Variants in CARMIL3 observed in about 807,000 individuals in gnomAD.
The protein encoded by CARMIL3 is capping protein, Arp2/3 and myosin-I linker protein 3.
Under a neutral mutation model 180.8 loss-of-function variants are expected in CARMIL3, and 88 were observed. The ratio of observed to expected loss-of-function variants is 0.49; its 90% CI spans 0.41 to 0.58. The LOEUF (loss-of-function observed/expected upper bound fraction) is 0.58, where lower values mean the gene tolerates loss of function less well. CARMIL3 is among the 20% of genes least tolerant of loss of function. The pLI is 0.00. For missense variants in CARMIL3, 1,548 were observed against 1,787.0 expected (o/e 0.87, Z 2.41); for synonymous variants, 696 against 714.5 (o/e 0.97, Z 0.41).
In CARMIL3 at chr14:24,053,698, C is replaced by T. The variant is rs369556969; in HGVS notation, c.41-11C>T. ...AGGTGAAGCTCTGAGCAGGCTCCCA[C>T]CCCCCCTCAGACAGCATCCGGAGGT... On this transcript the variant is annotated splice_polypyrimidine_tract_variant and intron_variant, in intron 1 of 39. Transcript: ENST00000342740. 4 of 1,590,720 alleles carry T rather than the reference C, an allele frequency of 2.5e-6. No individual in the cohort carries two copies. Among genetic ancestry groups the T allele is most frequent in the East Asian group, 2.2e-5 (1 of 44,716 alleles).
At chr14:24,055,916 C>A in intron 10 of CARMIL3, 127 bp downstream of exon 10, 3 of 922,674 alleles carry the variant, frequency 3.3e-6, no homozygotes, top group Non-Finnish European at 5.1e-6. Flanking sequence ...AAGAGGAGAC[C>A]AAGGCCAAAA....
intron 9 of CARMIL3, 37 bp from the exon 10 acceptor site, chr14:24,055,664 C>G: frequency 1.2e-6 from 2 of 1,613,774 alleles, no homozygotes; most frequent in Non-Finnish European, 1.7e-6. Flanking sequence ...TAGTGCCCCC[C>G]TTGGCCCCTG....
chr14:24,063,317 C>A lies in CARMIL3; in HGVS notation c.2771-8C>A. On this transcript the variant is annotated splice_region_variant and splice_polypyrimidine_tract_variant and intron_variant, in intron 30 of 39. Coordinates refer to ENST00000342740, the MANE Select transcript of CARMIL3 (RefSeq NM_138360.4). ...CTGCTAGTCCCTCTAATGCTGCTGT[C>A]TTTGCAGGCGGGAGCCCTCAGGACA... 2.5e-6 allele frequency: 4 copies of A among 1,594,222 alleles called. No individual in the cohort carries two copies. The highest frequency in any genetic ancestry group is 3.4e-6 in the Non-Finnish European group (4 of 1,166,374).
rs2138726176 is a variant in CARMIL3, at chr14:24,057,960, G to A, written c.1218G>A (p.Arg406=). 6.2e-7 allele frequency: 1 copy of A among 1,613,376 alleles called. No individual in the cohort carries two copies. Among genetic ancestry groups the A allele is most frequent in the Non-Finnish European group, 8.5e-7 (1 of 1,179,974 alleles). The change falls in exon 16 of 40, where the codon AGG becomes AGA. Residue 406 remains arginine, a splice_region_variant and synonymous_variant. Transcript: ENST00000342740. ...LNLARNSCSH[R]KGREAPPAFK... The stretch of plus-strand genomic sequence containing the variant: ...GCTGACCCCAGGGGTCTCTCCACAG[G>A]AAGGGTCGAGAGGCCCCGCCGGCCT...
In CARMIL3 at chr14:24,068,985, G is replaced by C; in HGVS notation, c.3982+19G>C. On this transcript the variant is annotated intron_variant, in intron 38 of 39. Coordinates refer to ENST00000342740, the MANE Select transcript of CARMIL3 (RefSeq NM_138360.4). ...GTCCAAGGTCTGCCACCCTGGCTGA[G>C]TGGGGGGCTCAGGGCACCTCTAGGA... 1 of 1,543,380 alleles carries C rather than the reference G, an allele frequency of 6.5e-7. No individual in the cohort carries two copies.
chr14:24,067,413 T>C (rs2035798140), intron 36 of CARMIL3, among the ~76,000 whole-genome samples: 1 of 152,244 alleles, frequency 6.6e-6, no homozygotes, highest in South Asian at 2.1e-4. Flanking sequence ...TCTCTGTAGA[T>C]GGAGACACCC....
In CARMIL3 at chr14:24,065,114, C is replaced by CCCGG; in HGVS notation, c.3239_3240insGGCC (p.Pro1081AlafsTer15). On this transcript the variant is annotated frameshift_variant, in exon 33 of 40. Transcript: ENST00000342740. LOFTEE classifies it high-confidence loss of function. ...GGTCCCCTACCACTGGACTCCTCCT[C>CCCGG]CCTCCACCCCCACCCCCTCCCCCGA... The CCCGG allele has an allele frequency of 5.2e-6, 6 of 1,160,950 alleles. No homozygotes were observed. Among genetic ancestry groups the CCCGG allele is most frequent in the Non-Finnish European group, 7.1e-6 (6 of 844,156 alleles). The allele number at this position is 1,160,950 out of a possible 1,614,324, so 71.9% of individuals were successfully genotyped here. A position where few individuals can be genotyped will look rare whatever the true frequency, so the allele number is the denominator to read the frequency against.
chr14:24,067,422 C>T (rs1015674336), intron 36 of CARMIL3, among the ~76,000 whole-genome samples: 2 of 152,236 alleles, frequency 1.3e-5, no homozygotes, highest in African/African-American at 4.8e-5. Flanking sequence ...ATGGAGACAC[C>T]CCCTCAGCCT....
chr14:24,054,840 G>T lies in CARMIL3; in HGVS notation c.460+32G>T, dbSNP rs761524578. The T allele has an allele frequency of 2.5e-6, 4 of 1,591,636 alleles. No individual in the cohort carries two copies. The highest frequency in any genetic ancestry group is 1.1e-5 in the South Asian group (1 of 90,208). On this transcript the variant is annotated intron_variant, in intron 6 of 39. Coordinates refer to ENST00000342740, the MANE Select transcript of CARMIL3 (RefSeq NM_138360.4). The surrounding 1 kb of genome is among the most constrained non-coding windows in gnomAD (Gnocchi z 5.1). ...AGGGGCAGATGTGAGGAAAGTAGGC[G>T]CTCCACCATCTTGCCCCATGATCAG...
In CARMIL3 at chr14:24,063,479, A is replaced by T. The variant is rs760268568; in HGVS notation, c.2925A>T (p.Thr975=). 2.4e-5 allele frequency: 39 copies of T among 1,613,556 alleles called. No homozygotes were observed. In the South Asian group the frequency reaches 3.4e-4, roughly 14 times the overall value. The stretch of plus-strand genomic sequence containing the variant: ...ATGGTTACAAACTAAGGCATCAAAC[A>T]CAAGGGAGGCCCCGCCCCCCCAGGA... ...PTHGYKLRHQ[T]QGRPRPPRTT... The change falls in exon 31 of 40, where the codon ACA becomes ACT. Residue 975 remains threonine (T), a synonymous_variant. Transcript: ENST00000342740.
Position 24,054,842 on chromosome 14 carries a change from T to G in CARMIL3, c.460+34T>G. On this transcript the variant is annotated intron_variant, in intron 6 of 39. Coordinates refer to ENST00000342740, the MANE Select transcript of CARMIL3 (RefSeq NM_138360.4). This position sits in a 1 kb window ranked among gnomAD's most constrained non-coding sequence, Gnocchi z 5.1. ...GGGCAGATGTGAGGAAAGTAGGCGC[T>G]CCACCATCTTGCCCCATGATCAGAG... 1 of 1,589,954 alleles carries G rather than the reference T, an allele frequency of 6.3e-7. No individual in the cohort carries two copies. The highest frequency in any genetic ancestry group is 1.1e-5 in the South Asian group (1 of 90,110).
rs373420572 is a variant in CARMIL3 at position 24,062,587 on chromosome 14, C to T, written c.2568+20C>T. 4 of 1,613,926 alleles carry T rather than the reference C, an allele frequency of 2.5e-6. No homozygotes were observed. Among genetic ancestry groups the T allele is most frequent in the Non-Finnish European group, 3.4e-6 (4 of 1,179,868 alleles). ...AGCCTGGTAAGGCTTCTTCTGCAGC[C>T]TGGCCTGGCTCGGGCACGCCCTCCA... On this transcript the variant is annotated intron_variant, in intron 28 of 39. Transcript: ENST00000342740.
Position 24,054,085 on chromosome 14 carries a change from T to C in CARMIL3, c.136-3T>C. On this transcript the variant is annotated splice_region_variant and splice_polypyrimidine_tract_variant and intron_variant, in intron 2 of 39. Transcript: ENST00000342740. This position sits in a 1 kb window ranked among gnomAD's most constrained non-coding sequence, Gnocchi z 5.1. ...AGCTGCCGATTTTTTCCTCTCTCTGTAGGCCCTGACCTCCTGGCGCCTCCA... is the reference window on the plus strand; with the variant it reads ...AGCTGCCGATTTTTTCCTCTCTCTGCAGGCCCTGACCTCCTGGCGCCTCCA... The C allele has an allele frequency of 6.2e-7, 1 of 1,613,564 alleles. No individual in the cohort carries two copies. Among genetic ancestry groups the C allele is most frequent in the Non-Finnish European group, 8.5e-7 (1 of 1,179,984 alleles).
intron 34 of CARMIL3, 121 bp downstream of exon 34, chr14:24,065,871 A>C: frequency 7.1e-7 from 1 of 1,399,978 alleles, no homozygotes; most frequent in Non-Finnish European, 9.7e-7. Context: ...GCATTAGAAG[A>C]TGTTAGCTGC....
Position 24,061,952 on chromosome 14 carries a change from C to T in CARMIL3, c.2480+280C>T, listed in dbSNP as rs1018640999. ...CAGGAATGGGATAGCAGGGCCTCCT[C>T]GGAGGCATGGACAAAGAAAAGTACC... is the stretch of plus-strand genomic sequence containing the variant. On this transcript the variant is annotated intron_variant, in intron 27 of 39. Coordinates refer to ENST00000342740, the MANE Select transcript of CARMIL3 (RefSeq NM_138360.4). The surrounding 1 kb of genome is among the most constrained non-coding windows in gnomAD (Gnocchi z 4.1). The T allele has an allele frequency of 3.5e-5, 14 of 403,206 alleles. No individual in the cohort carries two copies. The highest frequency in any genetic ancestry group is 1.6e-4 in the African/African-American group (8 of 49,214). The allele number at this position is 403,206 out of a possible 1,614,324, so 25.0% of individuals were successfully genotyped here.
At position 24,053,728 on chromosome 14, in the gene CARMIL3, G is replaced by A. The variant is rs1356447577; in HGVS notation, c.60G>A (p.Leu20=). ...RELQDSIRRC[L]SQGAVLQQHH... ...CCTCAGACAGCATCCGGAGGTGCCT[G>A]AGCCAAGGGGCCGTGCTCCAACAAC... Residue 20 remains leucine, a synonymous_variant, in exon 2 of 40, where the codon CTG becomes CTA. Coordinates refer to ENST00000342740, the MANE Select transcript of CARMIL3 (RefSeq NM_138360.4). The A allele has an allele frequency of 6.2e-7, 1 of 1,612,876 alleles. No individual in the cohort carries two copies. Among genetic ancestry groups the A allele is most frequent in the Non-Finnish European group, 8.5e-7 (1 of 1,179,282 alleles).
At chr14:24,053,227 C>G (rs1436058552) in intron 1 of CARMIL3, among the ~76,000 whole-genome samples, 1 of 152,132 alleles carries the variant, frequency 6.6e-6, no homozygotes, top group African/African-American at 2.4e-5. Flanking sequence ...CCCACCAATG[C>G]CACACTCAGG....
Position 24,060,031 on chromosome 14 carries a change from G to A in CARMIL3, c.1930G>A (p.Ala644Thr), listed in dbSNP as rs142826860. 22 of 1,613,970 alleles carry A rather than the reference G, an allele frequency of 1.4e-5. No individual in the cohort carries two copies. The highest frequency in any genetic ancestry group is 1.2e-4 in the South Asian group (11 of 91,092). Residue 644 changes from alanine (A) to threonine (T), a missense_variant, in exon 23 of 40, where the codon GCG becomes ACG. Ala to Thr is a moderately conservative substitution (Grantham distance 58, BLOSUM62 0). Around this residue, in one of 4 missense-constraint regions of CARMIL3, gnomAD observed 297 missense variants for 415.9 expected, o/e 0.71. Coordinates refer to ENST00000342740, the MANE Select transcript of CARMIL3 (RefSeq NM_138360.4). ...CGACATCTCCCAAGCCTATCGCAGCGCGCCTGAGCGCACCGAGGACGTCTG... is the reference window on the plus strand; with the variant it reads ...CGACATCTCCCAAGCCTATCGCAGCACGCCTGAGCGCACCGAGGACGTCTG... ...VSDISQAYRS[A>T]PERTEDVWQK...
Position 24,062,790 on chromosome 14 carries a change from C to G in CARMIL3, c.2650C>G (p.Arg884Gly), listed in dbSNP as rs765577348. 3 of 1,613,900 alleles carry G rather than the reference C, an allele frequency of 1.9e-6. No homozygotes were observed. The highest frequency in any genetic ancestry group is 2.2e-5 in the East Asian group (1 of 44,884). The change falls in exon 29 of 40, where the codon CGA becomes GGA. Residue 884 changes from arginine to glycine, a missense_variant. Arg to Gly is a moderately radical substitution (Grantham distance 125). Around this residue, in one of 4 missense-constraint regions of CARMIL3, gnomAD observed 668 missense variants for 687.8 expected, o/e 0.97. Transcript: ENST00000342740. ...AGGGCAGGATCTGTCCTCCCGGGGC[C>G]GAGGCCGGAACCATGACCATGAGGA... ...GQGQDLSSRG[R>G]GRNHDHEETT...
Sources: gnomAD v4.1 joint callset for allele counts (sites outside exome capture counted in the v4.1 genomes callset) on GRCh38, gnomAD v4.1.1 for gene constraint, gnomAD v4.1.1 regional missense constraint, Gnocchi (gnomAD v3.1) non-coding constraint, MANE v1.5 for transcripts, NCBI Gene and HGNC (gene_info 2026-07-23, HGNC 2026-07-21) for gene names.